The following SRGAP1 variants were observed in gnomAD, a reference collection of about 807,000 sequenced individuals.
SRGAP1 encodes the protein SLIT-ROBO Rho GTPase-activating protein 1.
SRGAP1 carries 43 observed loss-of-function variants against 121.9 expected under a neutral mutation model. The observed-to-expected ratio is 0.35, with a 90% CI of 0.28 to 0.46. The LOEUF is 0.46. Among genes scored for constraint, SRGAP1 ranks in the 20% least tolerant of loss-of-function variants. The probability of loss-of-function intolerance (pLI) is 1.00; values close to 1 mark genes in which losing one functional copy is unlikely to be tolerated. For synonymous variants in SRGAP1, 447 were observed against 485.4 expected, an observed-to-expected ratio of 0.92 and a Z score of 1.04; for missense variants, 1,102 against 1,350.9, an observed-to-expected ratio of 0.82 and a Z score of 2.89.
At chr12:64,026,868 A>T (rs548080272) in intron 4 of SRGAP1, among the ~76,000 whole-genome samples, 1 of 151,770 alleles carries the variant, frequency 6.6e-6, no homozygotes, top group South Asian at 2.1e-4. Context: ...TCCATCTCAA[A>T]AAAAAAAAAA....
At position 64,144,764 on chromosome 12, in the gene SRGAP1, G is replaced by T. The variant is rs1490637927; in HGVS notation, c.*2092G>T. ...GGAGATCCAGCCAAGACTGAGCTTTGAATAGCACTAGCCCTTTTAAACAAT... is the reference window on the plus strand; with the variant it reads ...GGAGATCCAGCCAAGACTGAGCTTTTAATAGCACTAGCCCTTTTAAACAAT... On this transcript the variant is annotated 3_prime_UTR_variant, in exon 22 of 22. Transcript: ENST00000355086. The T allele has an allele frequency of 1.3e-5, 2 of 148,180 alleles. No individual in the cohort carries two copies. The highest frequency in any genetic ancestry group is 5.0e-5 in the African/African-American group (2 of 39,940). 9.2% of individuals were successfully genotyped at this position (148,180 alleles called of 1,614,324 possible). A position where few individuals can be genotyped will look rare whatever the true frequency, so the allele number is the denominator to read the frequency against.
chr12:64,096,271 TA>T (rs2036153141), intron 14 of SRGAP1, among the ~76,000 whole-genome samples: 1 of 152,180 alleles, frequency 6.6e-6, no homozygotes, highest in African/African-American at 2.4e-5. Flanking sequence ...TATATTCTGA[TA>T]AATTCATGTT....
chr12:64,150,959 A>AAAAAAAAAAAAAAAAAT lies in SRGAP1; in HGVS notation c.*8288_*8289insAAAAAAAAAAAAAAATA, dbSNP rs2037114574. Reference sequence around the variant, plus strand: ...CAAAAAAAAAAAAAAAAAAAAAAAAAACATGGTCAAGATTTGTAATAGAAA... The same window carrying AAAAAAAAAAAAAAAAAT: ...CAAAAAAAAAAAAAAAAAAAAAAAAAAAAAAAAAAAAAAAAATACATGGTCAAGATTTGTAATAGAAA... On this transcript the variant is annotated 3_prime_UTR_variant, in exon 22 of 22. Coordinates refer to ENST00000355086, the MANE Select transcript of SRGAP1 (RefSeq NM_020762.4). The AAAAAAAAAAAAAAAAAT allele has an allele frequency of 6.8e-6, 1 of 147,796 alleles. No individual in the cohort carries two copies. The highest frequency in any genetic ancestry group is 1.5e-5 in the Non-Finnish European group (1 of 67,340). 9.2% of individuals were successfully genotyped at this position (147,796 alleles called of 1,614,324 possible).
At chr12:63,877,097 C>T (rs1029834488) in intron 1 of SRGAP1, among the ~76,000 whole-genome samples, 4 of 152,094 alleles carry the variant, frequency 2.6e-5, no homozygotes, top group African/African-American at 4.8e-5. Flanking sequence ...TGGTGGCATG[C>T]GCCTGTAATC....
intron 2 of SRGAP1, among the ~76,000 whole-genome samples, chr12:63,987,459 A>G (rs962616021): frequency 2.0e-5 from 3 of 152,176 alleles, no homozygotes; most frequent in Admixed American, 2.0e-4. Context: ...GCGGTGGCTC[A>G]CACCTGTAAT....
At chr12:64,064,821 G>A (rs925154149) in intron 7 of SRGAP1, among the ~76,000 whole-genome samples, 2 of 152,146 alleles carry the variant, frequency 1.3e-5, no homozygotes, top group African/African-American at 2.4e-5. Flanking sequence ...AGAATTCCAC[G>A]AGTGAGATTT....
At chr12:63,927,298 G>T (rs1460107799) in intron 1 of SRGAP1, among the ~76,000 whole-genome samples, 3 of 152,158 alleles carry the variant, frequency 2.0e-5, no homozygotes, top group African/African-American at 7.2e-5. Flanking sequence ...TACAAGTGCA[G>T]ACTATGACTG....
At chr12:63,905,858 C>T (rs1011908527) in intron 1 of SRGAP1, among the ~76,000 whole-genome samples, 2 of 152,070 alleles carry the variant, frequency 1.3e-5, no homozygotes, top group African/African-American at 2.4e-5. Context: ...GTGCTCAGTG[C>T]GCTATATTTA....
At chr12:64,045,309 G>T (rs1017351244) in intron 6 of SRGAP1, among the ~76,000 whole-genome samples, 2 of 151,956 alleles carry the variant, frequency 1.3e-5, no homozygotes, top group Non-Finnish European at 2.9e-5. Flanking sequence ...TATAACCCCA[G>T]TTTTCAAACT....
chr12:63,887,404 A>G (rs1467433781), intron 1 of SRGAP1: 2 of 152,246 alleles, frequency 1.3e-5, no homozygotes, highest in African/African-American at 4.8e-5. Flanking sequence ...ATGCTATCTG[A>G]GCCCTCTGGC....
At chr12:63,885,440 A>G (rs575669515) in intron 1 of SRGAP1, among the ~76,000 whole-genome samples, 1 of 152,328 alleles carries the variant, frequency 6.6e-6, no homozygotes, top group East Asian at 1.9e-4. Flanking sequence ...TCAGCTGTCC[A>G]GAAGCTCCCC....
In SRGAP1 at chr12:64,108,967, C is replaced by T. The variant is rs114817817; in HGVS notation, c.1849C>T (p.Arg617Cys). 9.3e-4 allele frequency: 1,492 copies of T among 1,603,988 alleles called. 2 individuals carry two copies. The highest frequency in any genetic ancestry group is 7.8e-3 in the Middle Eastern group (47 of 5,998). ...TCTCTATGAGAGGGCGCTTCACATCCGCAAACTCCTCCTGACTTTGCCCAG... is the reference window on the plus strand; with the variant it reads ...TCTCTATGAGAGGGCGCTTCACATCTGCAAACTCCTCCTGACTTTGCCCAG... ...DNLYERALHI[R>C]KLLLTLPRSV... The change falls in exon 16 of 22, where the codon CGC (arginine) becomes TGC (cysteine). Residue 617 changes from arginine to cysteine, a missense_variant. Transcript: ENST00000355086.
intron 1 of SRGAP1, among the ~76,000 whole-genome samples, chr12:63,925,654 C>CA (rs2031232353): frequency 6.6e-6 from 1 of 152,042 alleles, no homozygotes; most frequent in Admixed American, 6.6e-5. Flanking sequence ...AGGAATAAAG[C>CA]AAAGGAGGAC....
At chr12:64,122,639 C>T (rs907816822) in intron 18 of SRGAP1, among the ~76,000 whole-genome samples, 6 of 152,172 alleles carry the variant, frequency 3.9e-5, no homozygotes, top group Non-Finnish European at 7.3e-5. Context: ...GTGGCTTACA[C>T]GTGTAATCTC....
chr12:63,962,540 G>T (rs2054150), intron 1 of SRGAP1, among the ~76,000 whole-genome samples: 78,379 of 151,746 alleles, frequency 0.52, 20,665 homozygotes, highest in African/African-American at 0.63. Context: ...CCTGAGTACC[G>T]GGGATTACAG....
chr12:63,952,555 A>C (rs2032333018), intron 1 of SRGAP1, among the ~76,000 whole-genome samples: 2 of 152,054 alleles, frequency 1.3e-5, no homozygotes, highest in Admixed American at 1.3e-4. Flanking sequence ...GAAAGAAAAA[A>C]TCCACACCAA....
intron 1 of SRGAP1, among the ~76,000 whole-genome samples, chr12:63,914,909 A>C (rs1034120894): frequency 5.9e-5 from 9 of 152,174 alleles, no homozygotes; most frequent in Admixed American, 2.6e-4. Context: ...CAAAGCATCT[A>C]ACCTTGCTGT....
intron 10 of SRGAP1, among the ~76,000 whole-genome samples, chr12:64,082,897 C>T (rs1258210125): frequency 1.3e-5 from 2 of 152,202 alleles, no homozygotes; most frequent in African/African-American, 4.8e-5. Context: ...GGCACACTAG[C>T]CTCTGCCCAC....
At chr12:64,140,006 C>T (rs1184566950) in intron 21 of SRGAP1, among the ~76,000 whole-genome samples, 1 of 151,124 alleles carries the variant, frequency 6.6e-6, no homozygotes, top group East Asian at 1.9e-4. Context: ...GGAATCCTTT[C>T]CCCATTGCTT....
Sources: gnomAD v4.1 joint callset for allele counts (sites outside exome capture counted in the v4.1 genomes callset) on GRCh38, gnomAD v4.1.1 for gene constraint, MANE v1.5 for transcripts, NCBI Gene and HGNC (gene_info 2026-07-23, HGNC 2026-07-21) for gene names.